The following LARS1 variants were observed in gnomAD, a reference collection of about 807,000 sequenced individuals.
LARS1 encodes leucyl-tRNA synthetase 1.
Under a neutral mutation model 162.8 loss-of-function variants are expected in LARS1, and 100 were observed. The observed-to-expected ratio is 0.61, with a 90% CI of 0.52 to 0.73. LARS1 has a LOEUF of 0.73. Among genes scored for constraint, LARS1 ranks in the 30% least tolerant of loss-of-function variants. The probability of loss-of-function intolerance (pLI) is 0.00; values close to 1 mark genes in which losing one functional copy is unlikely to be tolerated. For missense variants in LARS1, 1,258 were observed against 1,408.9 expected (o/e 0.89, Z 1.71); for synonymous variants, 457 against 462.8 (o/e 0.99, Z 0.16).
chr5:146,166,291 C>A (rs1237503040), intron 5 of LARS1, among the ~76,000 whole-genome samples: 1 of 152,038 alleles, frequency 6.6e-6, no homozygotes, highest in Non-Finnish European at 1.5e-5. Context: ...GACACAGGAG[C>A]CAAGCTAAAA....
At chr5:146,137,073 C>T (rs1222839897) in intron 21 of LARS1, among the ~76,000 whole-genome samples, 1 of 152,086 alleles carries the variant, frequency 6.6e-6, no homozygotes, top group Non-Finnish European at 1.5e-5. Flanking sequence ...ATTTTTTGTA[C>T]TTTTAGTAGA....
chr5:146,171,378 T>C (rs1754269939), intron 4 of LARS1, among the ~76,000 whole-genome samples: 1 of 151,792 alleles, frequency 6.6e-6, no homozygotes, highest in African/African-American at 2.4e-5. Flanking sequence ...TAAAATAAAG[T>C]AAAATAAAAT....
chr5:146,178,220 ACT>A (rs1432954694), intron 1 of LARS1, among the ~76,000 whole-genome samples: 4 of 152,220 alleles, frequency 2.6e-5, no homozygotes, highest in Non-Finnish European at 5.9e-5. Flanking sequence ...ACAATGTAAC[ACT>A]GTCATCAAAT....
chr5:146,169,774 C>T (rs1169778208), intron 4 of LARS1, among the ~76,000 whole-genome samples: 2 of 152,064 alleles, frequency 1.3e-5, no homozygotes, highest in Non-Finnish European at 2.9e-5. Context: ...GTTTTGAACT[C>T]CTGACCTCAT....
intron 27 of LARS1, among the ~76,000 whole-genome samples, chr5:146,127,592 C>T (rs1752098642): frequency 6.6e-6 from 1 of 152,008 alleles, no homozygotes; most frequent in African/African-American, 2.4e-5. Context: ...TGGGTTCTTC[C>T]ACTGCTTCCT....
At position 146,142,937 on chromosome 5, in the gene LARS1, C is replaced by T; in HGVS notation, c.2025G>A (p.Lys675=). 6.2e-7 allele frequency: 1 copy of T among 1,613,968 alleles called. No individual in the cohort carries two copies. The highest frequency in any genetic ancestry group is 8.5e-7 in the Non-Finnish European group (1 of 1,179,968). ...ATGAAAGATGATTTGGAACAAGATC[C>T]TTGCCAGAGACGCGAAGATCAACAG... ...WYPVDLRVSG[K]DLVPNHLSYY... is the part of the protein sequence containing the mutation. The change falls in exon 20 of 32, where the codon AAG becomes AAA. Residue 675 remains lysine, a synonymous_variant. Coordinates refer to ENST00000394434, the MANE Select transcript of LARS1 (RefSeq NM_020117.11).
intron 21 of LARS1, 64 bp downstream of exon 21, chr5:146,140,140 C>T: frequency 1.6e-6 from 2 of 1,286,082 alleles, no homozygotes; most frequent in Non-Finnish European, 2.3e-6. Context: ...AAAAAAAGTG[C>T]AACAACCTAA....
intron 1 of LARS1, among the ~76,000 whole-genome samples, chr5:146,177,898 G>A (rs769373084): frequency 6.6e-6 from 1 of 152,030 alleles, no homozygotes; most frequent in Non-Finnish European, 1.5e-5. Flanking sequence ...TCAGGAGTTC[G>A]AGATCAGCCT....
At position 146,120,460 on chromosome 5, in the gene LARS1, C is replaced by T; in HGVS notation, c.3236G>A (p.Gly1079Asp). 6.2e-7 allele frequency: 1 copy of T among 1,613,100 alleles called. No individual in the cohort carries two copies. Among genetic ancestry groups the T allele is most frequent in the Non-Finnish European group, 8.5e-7 (1 of 1,179,352 alleles). The change falls in exon 31 of 32, where the codon GGC becomes GAC. Residue 1079 changes from glycine to aspartate, a missense_variant. Transcript: ENST00000394434. ...VSLVNPQPSN[G>D]HFSTKIEIRQ... is the part of the protein sequence containing the mutation. ...GATTTCAATTTTGGTTGAGAAGTGG[C>T]CATTGGATGGCTGGGGATTCACCAG...
At position 146,140,959 on chromosome 5, in the gene LARS1, T is replaced by C. The variant is rs76848783; in HGVS notation, c.2091-698A>G. 4.3e-4 allele frequency among the ~76,000 whole-genome samples: 66 copies of C among 152,340 alleles called. 1 individual carries two copies. The highest frequency in any genetic ancestry group is 1.6e-3 in the African/African-American group (65 of 41,574). ...AACAGTGTAAACAATGTGGTATCTTTATATACATTAACAAATAGAGATATC... is the reference window on the plus strand; with the variant it reads ...AACAGTGTAAACAATGTGGTATCTTCATATACATTAACAAATAGAGATATC... On this transcript the variant is annotated intron_variant, in intron 20 of 31. Transcript: ENST00000394434.
chr5:146,157,908 ATT>A, intron 8 of LARS1, 113 bp from the exon 9 acceptor site: 1 of 989,186 alleles, frequency 1.0e-6, no homozygotes, highest in Non-Finnish European at 1.5e-6. Context: ...TGCATTATTA[ATT>A]TTTTTTTGCA....
chr5:146,176,504 T>C (rs1049048111), intron 2 of LARS1, among the ~76,000 whole-genome samples: 1 of 150,534 alleles, frequency 6.6e-6, no homozygotes. Context: ...AGAGTATACA[T>C]GTAAAAAAAT....
At chr5:146,182,266 G>A in intron 1 of LARS1, 5 of 619,014 alleles carry the variant, frequency 8.1e-6, no homozygotes. Flanking sequence ...AGAAACTCCA[G>A]AGAAATAACA....
At position 146,117,352 on chromosome 5, in the gene LARS1, G is replaced by A. The variant is rs530572963; in HGVS notation, c.3325+3019C>T. On this transcript the variant is annotated intron_variant, in intron 31 of 31. Transcript: ENST00000394434. ...CAAGCAGGGCCGGTGTCTCATCCCT[G>A]TGATCCCAGCACTTTGGGAGGCCGA... Among the ~76,000 whole-genome samples the A allele has an allele frequency of 2.4e-3, 370 of 152,216 alleles. 4 individuals carry two copies. The highest frequency in any genetic ancestry group is 8.6e-3 in the African/African-American group (357 of 41,530).
At chr5:146,122,999 C>T (rs1214427349) in intron 29 of LARS1, among the ~76,000 whole-genome samples, 1 of 151,860 alleles carries the variant, frequency 6.6e-6, no homozygotes, top group East Asian at 1.9e-4. Flanking sequence ...TATAAGATGA[C>T]CCTGAACATA....
intron 6 of LARS1, among the ~76,000 whole-genome samples, chr5:146,162,767 T>C (rs924680948): frequency 6.6e-6 from 1 of 152,246 alleles, no homozygotes; most frequent in Non-Finnish European, 1.5e-5. Context: ...CTTTCATCAA[T>C]GATCTTAGCT....
chr5:146,160,586 A>C (rs1753736837), intron 6 of LARS1, 100 bp from the exon 7 acceptor site: 10 of 540,204 alleles, frequency 1.9e-5, no homozygotes, highest in Non-Finnish European at 3.2e-5. Context: ...CTAACTTAGA[A>C]TCAGATCAAC....
chr5:146,182,323 G>T, intron 1 of LARS1, 165 bp downstream of exon 1: 1 of 786,978 alleles, frequency 1.3e-6, no homozygotes, highest in Non-Finnish European at 2.2e-6. Flanking sequence ...ATCAGTTCGT[G>T]GTTCATAAAC....
chr5:146,159,538 G>A, intron 7 of LARS1, 68 bp from the exon 8 acceptor site: 3 of 1,177,418 alleles, frequency 2.5e-6, no homozygotes, highest in Non-Finnish European at 3.8e-6. Context: ...ATATTTGCCT[G>A]TGTTGCACCT....
Sources: gnomAD v4.1 joint callset for allele counts (sites outside exome capture counted in the v4.1 genomes callset) on GRCh38, gnomAD v4.1.1 for gene constraint, MANE v1.5 for transcripts, NCBI Gene and HGNC (gene_info 2026-07-23, HGNC 2026-07-21) for gene names.